Variants in RYR3 observed in about 807,000 individuals in gnomAD.
RYR3 encodes brain ryanodine receptor-calcium release channel.
In RYR3, 207 loss-of-function variants were observed where a neutral mutation model predicts 584.3. The ratio of observed to expected loss-of-function variants is 0.35; its 90% CI spans 0.32 to 0.40. The LOEUF is 0.40. Among genes scored for constraint, RYR3 ranks in the 10% least tolerant of loss-of-function variants. RYR3 has a pLI of 1.00. For synonymous variants in RYR3, 2,416 were observed against 2,248.5 expected (o/e 1.07, Z -2.11); for missense variants, 5,616 against 6,089.2 (o/e 0.92, Z 2.59).
intron 98 of RYR3, 39 bp from the exon 99 acceptor site, chr15:33,857,741 A>G: frequency 6.2e-7 from 1 of 1,611,416 alleles, no homozygotes; most frequent in Non-Finnish European, 8.5e-7. Context: ...GGTAGAGAAG[A>G]CCCCACTCCT....
chr15:33,775,393 G>C (rs2152893762), intron 64 of RYR3, among the ~76,000 whole-genome samples: 1 of 152,248 alleles, frequency 6.6e-6, no homozygotes, highest in South Asian at 2.1e-4. Flanking sequence ...GGAAGAAACA[G>C]CAGGCAGCTT....
intron 5 of RYR3, among the ~76,000 whole-genome samples, chr15:33,535,855 C>T (rs939671256): frequency 7.2e-5 from 11 of 152,152 alleles, no homozygotes; most frequent in Non-Finnish European, 1.3e-4. Flanking sequence ...ACACATAGAA[C>T]TAACCCATAT....
intron 12 of RYR3, among the ~76,000 whole-genome samples, chr15:33,572,684 C>CAG: frequency 6.8e-6 from 1 of 146,774 alleles, no homozygotes; most frequent in South Asian, 2.3e-4. Flanking sequence ...CACACACACA[C>CAG]ACACACTGGG....
chr15:33,644,978 C>T (rs1454005361), intron 28 of RYR3, among the ~76,000 whole-genome samples: 1 of 151,872 alleles, frequency 6.6e-6, no homozygotes, highest in Non-Finnish European at 1.5e-5. Flanking sequence ...CATCACTGCA[C>T]TGTAGCCTGG....
chr15:33,475,372 C>T (rs887932378), intron 2 of RYR3, among the ~76,000 whole-genome samples: 7 of 152,160 alleles, frequency 4.6e-5, no homozygotes, highest in East Asian at 1.9e-4. Flanking sequence ...AGTTTTTCCA[C>T]GGATGGTGGG....
At chr15:33,647,211 G>A (rs1185022962) in intron 29 of RYR3, among the ~76,000 whole-genome samples, 1 of 152,136 alleles carries the variant, frequency 6.6e-6, no homozygotes. Context: ...TTACCATCTG[G>A]GCTGAGGGAT....
In RYR3 at chr15:33,552,568, CG is replaced by C. The variant is rs370255669; in HGVS notation, c.972+2254del. Among the ~76,000 whole-genome samples, 592 of 152,274 alleles carry C rather than the reference CG, an allele frequency of 3.9e-3. 5 individuals are homozygous for C. The highest frequency in any genetic ancestry group is 0.014 in the African/African-American group (564 of 41,554). On this transcript the variant is annotated intron_variant, in intron 10 of 103. Coordinates refer to ENST00000634891, the MANE Select transcript of RYR3 (RefSeq NM_001036.6). ...TAGAGATTTTAAATAAGTCTCCATG[CG>C]GTAGTATTCAACCTAGCTACCTTCA...
intron 1 of RYR3, among the ~76,000 whole-genome samples, chr15:33,438,729 A>G (rs931748156): frequency 2.6e-5 from 4 of 152,310 alleles, no homozygotes; most frequent in Non-Finnish European, 2.9e-5. Context: ...AGCATGGTAC[A>G]TTTATTCAGG....
At position 33,816,915 on chromosome 15, in the gene RYR3, C is replaced by G. The variant is rs377288128; in HGVS notation, c.10556C>G (p.Thr3519Arg). Reference protein sequence around the residue: ...LHGYQRFWIETEEYSFEEKLV... With the variant: ...LHGYQRFWIEREEYSFEEKLV... ...GGCTATCAGAGATTTTGGATAGAAACAGAGGAGTATTCCTTTGAAGAGAAA... is the reference window on the plus strand; with the variant it reads ...GGCTATCAGAGATTTTGGATAGAAAGAGAGGAGTATTCCTTTGAAGAGAAA... Residue 3519 changes from threonine to arginine, a missense_variant, in exon 75 of 104, where the codon ACA becomes AGA. Thr to Arg is a moderately conservative substitution (Grantham distance 71). Coordinates refer to ENST00000634891, the MANE Select transcript of RYR3 (RefSeq NM_001036.6). The G allele has an allele frequency of 5.6e-5, 91 of 1,612,194 alleles. No individual in the cohort carries two copies. In the African/African-American group the frequency reaches 1.1e-3, roughly 20 times the overall value.
At position 33,838,768 on chromosome 15, in the gene RYR3, AACTAGT is replaced by A. The variant is rs769649072; in HGVS notation, c.12791_12796del (p.Leu4264_Val4265del). On this transcript the variant is annotated inframe_deletion, in exon 89 of 104. Transcript: ENST00000634891. ...GTGATGGAGCCAGGTATCACCACTG[AACTAGT>A]ACACTTCATAAAGGGGGAGAAGGGA... 5.0e-6 allele frequency: 8 copies of A among 1,613,762 alleles called. No homozygotes were observed. The highest frequency in any genetic ancestry group is 1.1e-5 in the South Asian group (1 of 91,066).
chr15:33,825,569 G>C lies in RYR3; in HGVS notation c.11073-34G>C, dbSNP rs1157738463. 7 of 1,435,964 alleles carry C rather than the reference G, an allele frequency of 4.9e-6. No homozygotes were observed. The Admixed American group carries it at 1.0e-4, about 21-fold the overall frequency. 89.0% of individuals were successfully genotyped at this position (1,435,964 alleles called of 1,614,324 possible). A position where few individuals can be genotyped will look rare whatever the true frequency, so the allele number is the denominator to read the frequency against. On this transcript the variant is annotated intron_variant, in intron 81 of 103. Coordinates refer to ENST00000634891, the MANE Select transcript of RYR3 (RefSeq NM_001036.6). ...GAAATCTGCTTTCCCAGCGTGCGTA[G>C]CCCTGAACCTTGTTTCTTTCTGTCT...
chr15:33,757,719 A>T, intron 60 of RYR3, 123 bp downstream of exon 60: 1 of 1,111,028 alleles, frequency 9.0e-7, no homozygotes, highest in Non-Finnish European at 1.3e-6. Context: ...TTGGTTTGTC[A>T]TCTGAGTTTC....
intron 1 of RYR3, among the ~76,000 whole-genome samples, chr15:33,385,211 A>G (rs1041477093): frequency 1.3e-5 from 2 of 151,776 alleles, no homozygotes; most frequent in African/African-American, 2.4e-5. Context: ...TGATTAGTTA[A>G]TAAGTGTTTA....
intron 1 of RYR3, among the ~76,000 whole-genome samples, chr15:33,346,003 G>A (rs1049132002): frequency 2.6e-5 from 4 of 152,114 alleles, no homozygotes; most frequent in African/African-American, 9.7e-5. Context: ...TATGTTAGAT[G>A]TTACTGTATT....
chr15:33,352,259 C>T (rs1380338307), intron 1 of RYR3, among the ~76,000 whole-genome samples: 1 of 152,062 alleles, frequency 6.6e-6, no homozygotes, highest in Non-Finnish European at 1.5e-5. Context: ...ATGTGTTTTG[C>T]AAATATTTTC....
chr15:33,733,399 T>G (rs865913833), intron 48 of RYR3, among the ~76,000 whole-genome samples: 2 of 152,218 alleles, frequency 1.3e-5, no homozygotes, highest in South Asian at 4.1e-4. Context: ...CATCAGACCA[T>G]GGAATTTATT....
At chr15:33,601,072 C>A (rs762038504) in intron 16 of RYR3, among the ~76,000 whole-genome samples, 3 of 152,050 alleles carry the variant, frequency 2.0e-5, no homozygotes, top group Non-Finnish European at 4.4e-5. Context: ...TTAGTCCTGG[C>A]CTAGCTAGGA....
intron 2 of RYR3, among the ~76,000 whole-genome samples, chr15:33,495,233 A>C (rs1437287242): frequency 6.6e-6 from 1 of 152,204 alleles, no homozygotes; most frequent in Non-Finnish European, 1.5e-5. Flanking sequence ...CTTAACTTTC[A>C]TTTAAGGCAT....
At chr15:33,587,572 G>C (rs2058919260) in intron 16 of RYR3, among the ~76,000 whole-genome samples, 1 of 152,212 alleles carries the variant, frequency 6.6e-6, no homozygotes, top group Non-Finnish European at 1.5e-5. Context: ...TATTTTGCTA[G>C]AAATCAATGC....
Sources: allele counts gnomAD v4.1 joint callset (sites outside exome capture counted in the v4.1 genomes callset), GRCh38; gene constraint gnomAD v4.1.1; transcripts MANE v1.5; gene names NCBI Gene and HGNC (gene_info 2026-07-23, HGNC 2026-07-21).